Variants in ATP6V0D1 observed in about 807,000 individuals in gnomAD.
ATP6V0D1 encodes the protein ATPase H+ transporting V0 subunit d1, also known as V-type proton ATPase subunit d 1.
Under a neutral mutation model 39.0 loss-of-function variants are expected in ATP6V0D1, and 13 were observed. That is an observed-to-expected ratio of 0.33 (90% CI 0.22 to 0.53). ATP6V0D1 has a LOEUF of 0.53. Ranked by LOEUF, ATP6V0D1 falls within the 20% of genes least tolerant of loss-of-function variation. The pLI is 0.94. For synonymous variants in ATP6V0D1, 191 were observed against 191.2 expected, an observed-to-expected ratio of 1.00 and a Z score of 0.01; for missense variants, 272 against 470.9, an observed-to-expected ratio of 0.58 and a Z score of 3.91.
rs980972975 is a variant in ATP6V0D1, at chr16:67,459,284, G to A, written c.131-5569C>T. The A allele has an allele frequency of 1.1e-5, 11 of 985,006 alleles. No homozygotes were observed. The African/African-American group carries it at 1.9e-4, about 17-fold the overall frequency. The allele number at this position is 985,006 out of a possible 1,614,324, so 61.0% of individuals were successfully genotyped here. Reference sequence around the variant, plus strand: ...GGTTGGGAAGACACACCCCCAGCCTGGAAAGTGAGAGTCCCTGCCCTCCCA... The same window carrying A: ...GGTTGGGAAGACACACCCCCAGCCTAGAAAGTGAGAGTCCCTGCCCTCCCA... On this transcript the variant is annotated intron_variant, in intron 1 of 7. Transcript: ENST00000290949.
intron 2 of ATP6V0D1, chr16:67,452,146 C>T (rs1419025098): frequency 6.8e-7 from 1 of 1,462,752 alleles, no homozygotes; most frequent in Non-Finnish European, 9.1e-7. Flanking sequence ...GAATGATCAA[C>T]AGATGGGGAG....
intron 1 of ATP6V0D1, chr16:67,458,983 T>G: frequency 2.2e-6 from 2 of 914,878 alleles, no homozygotes; most frequent in Non-Finnish European, 2.6e-6. Flanking sequence ...AATGAAGTCC[T>G]CCAAATTGAA....
intron 4 of ATP6V0D1, among the ~76,000 whole-genome samples, chr16:67,442,251 G>A (rs1236950896): frequency 1.3e-5 from 2 of 152,242 alleles, no homozygotes; most frequent in Non-Finnish European, 2.9e-5. Context: ...ACCAGGGCAG[G>A]AGAGGACTCT....
At position 67,444,441 on chromosome 16, in the gene ATP6V0D1, T is replaced by C; in HGVS notation, c.481+87A>G. The stretch of plus-strand genomic sequence containing the variant: ...GCAGGTCTCACTTTCTGGCTCAGGG[T>C]CGCCCCCCAGCGGGTCCACAAACCC... On this transcript the variant is annotated intron_variant, in intron 3 of 7. Transcript: ENST00000290949. The surrounding 1 kb of genome is among the most constrained non-coding windows in gnomAD (Gnocchi z 4.8). 2 of 1,421,384 alleles carry C rather than the reference T, an allele frequency of 1.4e-6. No individual in the cohort carries two copies. The highest frequency in any genetic ancestry group is 9.4e-7 in the Non-Finnish European group (1 of 1,060,216). 88.0% of individuals were successfully genotyped at this position (1,421,384 alleles called of 1,614,324 possible).
At chr16:67,480,371 G>A (rs2041458611) in intron 1 of ATP6V0D1, among the ~76,000 whole-genome samples, 1 of 152,100 alleles carries the variant, frequency 6.6e-6, no homozygotes, top group Admixed American at 6.6e-5. Context: ...TGAACTTCCA[G>A]ACCTGCAAGG....
intron 1 of ATP6V0D1, among the ~76,000 whole-genome samples, chr16:67,476,759 G>A (rs1001336976): frequency 8.5e-5 from 13 of 152,076 alleles, no homozygotes; most frequent in Non-Finnish European, 1.3e-4. Flanking sequence ...ACATTGGCTG[G>A]GTGTAGTGGC....
At position 67,438,690 on chromosome 16, in the gene ATP6V0D1, C is replaced by CTGTGG; in HGVS notation, c.895-6_895-2dup. 1 of 1,614,222 alleles carries CTGTGG rather than the reference C, an allele frequency of 6.2e-7. No homozygotes were observed. Among genetic ancestry groups the CTGTGG allele is most frequent in the Non-Finnish European group, 8.5e-7 (1 of 1,180,042 alleles). ...GGAAGGCCAACTTGTTCAGCTTTACCTGTGGACACGGGCAGATGTGGTGTC... is the reference window on the plus strand; with the variant it reads ...GGAAGGCCAACTTGTTCAGCTTTACCTGTGGTGTGGACACGGGCAGATGTGGTGTC... On this transcript the variant is annotated splice_acceptor_variant, in intron 7 of 7. Coordinates refer to ENST00000290949, the MANE Select transcript of ATP6V0D1 (RefSeq NM_004691.5). LOFTEE classifies it high-confidence loss of function.
rs531424521 is a variant in ATP6V0D1 at position 67,470,043 on chromosome 16, C to G, written c.130+10914G>C. Among the ~76,000 whole-genome samples the G allele has an allele frequency of 5.9e-5, 9 of 152,336 alleles. No individual in the cohort carries two copies. In the South Asian group the frequency reaches 1.7e-3, roughly 28 times the overall value. Reference sequence around the variant, plus strand: ...ATGGAACTTCATGCTTTTGAGCACTCTCTCGTAGTATTCCATTGTAAGAAT... The same window carrying G: ...ATGGAACTTCATGCTTTTGAGCACTGTCTCGTAGTATTCCATTGTAAGAAT... On this transcript the variant is annotated intron_variant, in intron 1 of 7. Transcript: ENST00000290949.
In ATP6V0D1 at chr16:67,473,011, G is replaced by A. The variant is rs2041386428; in HGVS notation, c.130+7946C>T. ...AACTTTCATCCTTCCTGAGCAATAT[G>A]TCCTTCTAAGACACCCACAGCCTTC... On this transcript the variant is annotated intron_variant, in intron 1 of 7. Transcript: ENST00000290949. 2.6e-5 allele frequency among the ~76,000 whole-genome samples: 4 copies of A among 152,058 alleles called. No individual in the cohort carries two copies. The South Asian group carries it at 8.3e-4, about 32-fold the overall frequency.
In ATP6V0D1 at chr16:67,460,381, GGGA is replaced by G. The variant is rs1254372247; in HGVS notation, c.131-6669_131-6667del. Among the ~76,000 whole-genome samples the G allele has an allele frequency of 3.3e-5, 5 of 152,176 alleles. No individual in the cohort carries two copies. The East Asian group carries it at 9.6e-4, about 29-fold the overall frequency. ...TGACCTCCTCCCTAGGCTCAGGAGT[GGGA>G]GGAGACCTTTTTTTTCATATCAGCT... On this transcript the variant is annotated intron_variant, in intron 1 of 7. Coordinates refer to ENST00000290949, the MANE Select transcript of ATP6V0D1 (RefSeq NM_004691.5).
In ATP6V0D1 at chr16:67,444,981, C is replaced by G. The variant is rs1486501025; in HGVS notation, c.303-275G>C. Among the ~76,000 whole-genome samples, 8 of 152,152 alleles carry G rather than the reference C, an allele frequency of 5.3e-5. No homozygotes were observed. The highest frequency in any genetic ancestry group is 5.2e-4 in the Admixed American group (8 of 15,274). ...GCCCTGTGAGGGACTGGGACACGAG[C>G]TAACTACCCCACAGCATGAACAGTG... On this transcript the variant is annotated intron_variant, in intron 2 of 7. Coordinates refer to ENST00000290949, the MANE Select transcript of ATP6V0D1 (RefSeq NM_004691.5). This position sits in a 1 kb window ranked among gnomAD's most constrained non-coding sequence, Gnocchi z 4.8.
rs563994954 is a variant in ATP6V0D1 at position 67,443,958 on chromosome 16, G to A, written c.481+570C>T. Among the ~76,000 whole-genome samples, 13 of 152,272 alleles carry A rather than the reference G, an allele frequency of 8.5e-5. No individual in the cohort carries two copies. In the South Asian group the frequency reaches 1.7e-3, roughly 19 times the overall value. On this transcript the variant is annotated intron_variant, in intron 3 of 7. Coordinates refer to ENST00000290949, the MANE Select transcript of ATP6V0D1 (RefSeq NM_004691.5). ...CAAGGACACTTAATGCCTTCTCCTC[G>A]GCCTCCTAAGCAGGCAGGAACTAGC...
intron 1 of ATP6V0D1, among the ~76,000 whole-genome samples, chr16:67,477,248 A>G (rs996962558): frequency 2.0e-5 from 3 of 152,118 alleles, no homozygotes; most frequent in African/African-American, 7.2e-5. Context: ...ACTTCAATCT[A>G]TATATTAAAA....
In ATP6V0D1 at chr16:67,438,670, G is replaced by A; in HGVS notation, c.914C>T (p.Ala305Val). 1.2e-6 allele frequency: 2 copies of A among 1,614,234 alleles called. No homozygotes were observed. The highest frequency in any genetic ancestry group is 4.5e-5 in the East Asian group (2 of 44,886). ...ACCAAAGTGGAACTGGTTCAGGAAG[G>A]CCAACTTGTTCAGCTTTACCTGTGG... ...FEHEVKLNKL[A>V]FLNQFHFGVF... is the part of the protein sequence containing the mutation. The change falls in exon 8 of 8, where the codon GCC (alanine) becomes GTC (valine). Residue 305 changes from alanine (A) to valine (V), a missense_variant. Coordinates refer to ENST00000290949, the MANE Select transcript of ATP6V0D1 (RefSeq NM_004691.5).
intron 1 of ATP6V0D1, among the ~76,000 whole-genome samples, chr16:67,480,246 T>C (rs918366528): frequency 6.7e-6 from 1 of 150,332 alleles, no homozygotes; most frequent in African/African-American, 2.4e-5. Context: ...TCTGGAGCTG[T>C]GTGCTGAGAA....
rs1597568690 is a variant in ATP6V0D1 at position 67,443,275 on chromosome 16, G to A, written c.482-97C>T. 5.5e-6 allele frequency: 7 copies of A among 1,270,034 alleles called. No individual in the cohort carries two copies. In the East Asian group the frequency reaches 1.4e-4, roughly 25 times the overall value. The allele number at this position is 1,270,034 out of a possible 1,614,324, so 78.7% of individuals were successfully genotyped here. A position where few individuals can be genotyped will look rare whatever the true frequency, so the allele number is the denominator to read the frequency against. ...ACGGCACAGAGTGCCCGTGCCACAA[G>A]GCCCACAGGGCTGGGTATTGAGGGG... On this transcript the variant is annotated intron_variant, in intron 3 of 7. Transcript: ENST00000290949.
Position 67,444,836 on chromosome 16 carries a change from C to T in ATP6V0D1, c.303-130G>A, listed in dbSNP as rs566358296. The T allele has an allele frequency of 5.8e-5, 47 of 812,676 alleles. No homozygotes were observed. Among genetic ancestry groups the T allele is most frequent in the South Asian group, 4.0e-4 (20 of 50,218 alleles). 50.3% of individuals were successfully genotyped at this position (812,676 alleles called of 1,614,324 possible). A position where few individuals can be genotyped will look rare whatever the true frequency, so the allele number is the denominator to read the frequency against. On this transcript the variant is annotated intron_variant, in intron 2 of 7. Coordinates refer to ENST00000290949, the MANE Select transcript of ATP6V0D1 (RefSeq NM_004691.5). The surrounding 1 kb of genome is among the most constrained non-coding windows in gnomAD (Gnocchi z 4.8). ...AATGTATGCTGACTCATGGGTGCTG[C>T]GGATAAGCACCAGTGTCTCCTCTCC...
intron 1 of ATP6V0D1, chr16:67,455,625 G>A (rs1306566282): frequency 1.3e-5 from 2 of 152,214 alleles, no homozygotes; most frequent in Non-Finnish European, 2.9e-5. Context: ...GTCAGGCAGG[G>A]CAGGCAGAAG....
intron 1 of ATP6V0D1, among the ~76,000 whole-genome samples, chr16:67,459,606 C>T (rs1247297780): frequency 6.6e-6 from 1 of 152,252 alleles, no homozygotes; most frequent in African/African-American, 2.4e-5. Flanking sequence ...TGGCAGCTAA[C>T]CCCAGACAGG....
Sources: allele counts gnomAD v4.1 joint callset (sites outside exome capture counted in the v4.1 genomes callset), GRCh38; gene constraint gnomAD v4.1.1; non-coding constraint Gnocchi (gnomAD v3.1); transcripts MANE v1.5; gene names NCBI Gene and HGNC (gene_info 2026-07-23, HGNC 2026-07-21).